The following MFSD8 variants were observed in gnomAD, a reference collection of about 807,000 sequenced individuals.
MFSD8 encodes major facilitator superfamily domain-containing protein 8.
In MFSD8, 55 loss-of-function variants were observed where a neutral mutation model predicts 66.4. That is an observed-to-expected ratio of 0.83 (90% CI 0.67 to 1.04). The LOEUF is 1.04. Ranked by LOEUF, MFSD8 falls within the 50% of genes least tolerant of loss-of-function variation. The probability of loss-of-function intolerance (pLI) is 0.00; values close to 1 mark genes in which losing one functional copy is unlikely to be tolerated. For missense variants in MFSD8, 550 were observed against 627.6 expected (o/e 0.88, Z 1.32); for synonymous variants, 202 against 212.8 (o/e 0.95, Z 0.44).
Position 127,921,764 on chromosome 4 carries a change from G to A in MFSD8, c.1110C>T (p.His370=). Residue 370 remains histidine (H), a synonymous_variant, in exon 11 of 12, where the codon CAC becomes CAT. Transcript: ENST00000641686. ...ATGTGGTATTAGGGATTGAATTATT[G>A]TGCAAATCTGTAAAAACAAAACCAT... ...QFPKIQWEDL[H]NNSIPNTTFG... is the part of the protein sequence containing the mutation. The A allele has an allele frequency of 6.2e-7, 1 of 1,614,104 alleles. No homozygotes were observed. Among genetic ancestry groups the A allele is most frequent in the Non-Finnish European group, 8.5e-7 (1 of 1,180,014 alleles).
intron 10 of MFSD8, 36 bp from the exon 11 acceptor site, chr4:127,921,807 T>A: frequency 5.6e-6 from 9 of 1,613,886 alleles, no homozygotes; most frequent in Non-Finnish European, 7.6e-6. Flanking sequence ...CATTACTTGT[T>A]GATTTTAGAT....
At chr4:127,954,988 T>C (rs1339560770) in intron 2 of MFSD8, among the ~76,000 whole-genome samples, 1 of 152,122 alleles carries the variant, frequency 6.6e-6, no homozygotes, top group Non-Finnish European at 1.5e-5. Flanking sequence ...TTGGCAAGGA[T>C]GTGAAAAAAT....
chr4:127,932,599 G>A (rs1738331488), intron 8 of MFSD8: 1 of 154,712 alleles, frequency 6.5e-6, no homozygotes, highest in Non-Finnish European at 1.4e-5. Flanking sequence ...TTTCTTCAAG[G>A]TCAGGTATTA....
intron 3 of MFSD8, among the ~76,000 whole-genome samples, chr4:127,948,359 T>C (rs2148938727): frequency 6.6e-6 from 1 of 151,946 alleles, no homozygotes; most frequent in Admixed American, 6.6e-5. Flanking sequence ...GTGGGGTGAG[T>C]GGGGAGAAGT....
chr4:127,940,021 G>A (rs574194442), intron 5 of MFSD8, 24 bp from the exon 6 acceptor site: 1 of 1,593,290 alleles, frequency 6.3e-7, no homozygotes, highest in African/African-American at 1.3e-5. Context: ...AATTTTCACA[G>A]ATGAATTATT....
Position 127,920,386 on chromosome 4 carries a change from G to A in MFSD8, c.*244C>T, listed in dbSNP as rs2148836102. On this transcript the variant is annotated 3_prime_UTR_variant, in exon 12 of 12. Coordinates refer to ENST00000641686, the MANE Select transcript of MFSD8 (RefSeq NM_001371596.2). ...TCATTAGTTCATGCAACCACAAAAA[G>A]GTATTATAAGAATAATATTTCATTT... The A allele has an allele frequency of 3.9e-6, 2 of 511,650 alleles. No homozygotes were observed. Among genetic ancestry groups the A allele is most frequent in the Middle Eastern group, 5.4e-4 (1 of 1,852 alleles). The allele number at this position is 511,650 out of a possible 1,614,324, so 31.7% of individuals were successfully genotyped here.
chr4:127,948,196 C>T lies in MFSD8; in HGVS notation c.198+1608G>A, dbSNP rs551708376. Among the ~76,000 whole-genome samples, 47 of 152,270 alleles carry T rather than the reference C, an allele frequency of 3.1e-4. No homozygotes were observed. In the South Asian group the frequency reaches 8.9e-3, roughly 29 times the overall value. On this transcript the variant is annotated intron_variant, in intron 3 of 11. Transcript: ENST00000641686. ...CAGGAGAGGTCTCCCCTGCCCCTCA[C>T]ATGGGGAGTGTGGAGAGACTGTTAG...
chr4:127,934,684 A>G (rs1001423735), intron 7 of MFSD8: 2 of 149,532 alleles, frequency 1.3e-5, no homozygotes, highest in Non-Finnish European at 3.0e-5. Flanking sequence ...GGTTCAAGCG[A>G]TTCTCCTGTC....
intron 1 of MFSD8, among the ~76,000 whole-genome samples, chr4:127,962,044 G>C (rs1743862379): frequency 6.6e-6 from 1 of 152,136 alleles, no homozygotes; most frequent in South Asian, 2.1e-4. Context: ...AGAGTATGGT[G>C]ACAGCAACAA....
At chr4:127,955,932 C>T (rs1006458246) in intron 2 of MFSD8, among the ~76,000 whole-genome samples, 5 of 150,796 alleles carry the variant, frequency 3.3e-5, no homozygotes, top group Non-Finnish European at 7.4e-5. Flanking sequence ...TCCTGGCTAA[C>T]GCCGTGAAAC....
Position 127,939,849 on chromosome 4 carries a change from T to C in MFSD8, c.698+4A>G. On this transcript the variant is annotated splice_donor_region_variant and intron_variant, in intron 6 of 11. Coordinates refer to ENST00000641686, the MANE Select transcript of MFSD8 (RefSeq NM_001371596.2). ...AAATAGTTTTATCATTTCTATCTAA[T>C]TACCTTAGTATGGCAAGGATCAGAA... 6.2e-7 allele frequency: 1 copy of C among 1,609,166 alleles called. No individual in the cohort carries two copies. Among genetic ancestry groups the C allele is most frequent in the South Asian group, 1.1e-5 (1 of 89,958 alleles).
In MFSD8 at chr4:127,920,434, T is replaced by TA. The variant is rs947007627; in HGVS notation, c.*195dup. 3 of 620,130 alleles carry TA rather than the reference T, an allele frequency of 4.8e-6. No homozygotes were observed. In the African/African-American group the frequency reaches 5.5e-5, roughly 11 times the overall value. 38.4% of individuals were successfully genotyped at this position (620,130 alleles called of 1,614,324 possible). Reference sequence around the variant, plus strand: ...TTTCTGAGGTAAGGAAATTATCATCTAGTATGTTTTTATATAACCTACTAT... The same window carrying TA: ...TTTCTGAGGTAAGGAAATTATCATCTAAGTATGTTTTTATATAACCTACTAT... On this transcript the variant is annotated 3_prime_UTR_variant, in exon 12 of 12. Transcript: ENST00000641686.
At position 127,935,716 on chromosome 4, in the gene MFSD8, C is replaced by T. The variant is rs561969540; in HGVS notation, c.755-2623G>A. Among the ~76,000 whole-genome samples the T allele has an allele frequency of 7.6e-4, 116 of 152,138 alleles. 1 individual carries two copies. The highest frequency in any genetic ancestry group is 1.4e-3 in the Non-Finnish European group (98 of 68,026). ...GCTGCCCAACAGAACTGTGACATGA[C>T]GGAAATGTTATTTATCTATGCTAAT... On this transcript the variant is annotated intron_variant, in intron 7 of 11. Transcript: ENST00000641686.
intron 8 of MFSD8, 93 bp downstream of exon 8, chr4:127,932,891 AT>A (rs1639170718): frequency 8.5e-7 from 1 of 1,179,182 alleles, no homozygotes; most frequent in Non-Finnish European, 1.2e-6. Flanking sequence ...CTTACATAAG[AT>A]TTTCAATAAC....
At chr4:127,927,436 A>G (rs542882625) in intron 9 of MFSD8, among the ~76,000 whole-genome samples, 1 of 152,302 alleles carries the variant, frequency 6.6e-6, no homozygotes, top group South Asian at 2.1e-4. Context: ...TTGGCCTCCC[A>G]AAGTGCTGGG....
intron 1 of MFSD8, 142 bp downstream of exon 1, chr4:127,964,930 C>T: frequency 1.0e-6 from 1 of 988,436 alleles, no homozygotes; most frequent in Non-Finnish European, 1.6e-6. Context: ...ATCTCCTCGG[C>T]TCACACAACC....
chr4:127,932,918 T>G, intron 8 of MFSD8, 67 bp downstream of exon 8: 1 of 1,418,034 alleles, frequency 7.1e-7, no homozygotes, highest in Admixed American at 1.7e-5. Flanking sequence ...TATGCCTAAT[T>G]AACATTGCAT....
upstream of MFSD8, chr4:127,965,566 A>C (rs1383007256): frequency 1.2e-5 from 3 of 247,396 alleles, no homozygotes; most frequent in African/African-American, 2.2e-5. Context: ...CGGTGCTGGG[A>C]GGCCCGGCCA....
At chr4:127,942,248 A>T in intron 4 of MFSD8, 90 bp from the exon 5 acceptor site, 1 of 985,828 alleles carries the variant, frequency 1.0e-6, no homozygotes, top group Non-Finnish European at 1.6e-6. Context: ...CAGAAGAAGA[A>T]ATCTTGGTCA....
Sources: allele counts gnomAD v4.1 joint callset (sites outside exome capture counted in the v4.1 genomes callset), GRCh38; gene constraint gnomAD v4.1.1; transcripts MANE v1.5; gene names NCBI Gene and HGNC (gene_info 2026-07-23, HGNC 2026-07-21).